The following PCDH10 variants were observed in gnomAD, a reference collection of about 807,000 sequenced individuals.
PCDH10 encodes the protein protocadherin 10.
Under a neutral mutation model 74.4 loss-of-function variants are expected in PCDH10, and 15 were observed. The ratio of observed to expected loss-of-function variants is 0.20; its 90% CI spans 0.13 to 0.31. The LOEUF is 0.31. Ranked by LOEUF, PCDH10 falls within the 10% of genes least tolerant of loss-of-function variation. The pLI is 1.00. For synonymous variants in PCDH10, 619 were observed against 589.8 expected (o/e 1.05, Z -0.72); for missense variants, 1,260 against 1,390.2 (o/e 0.91, Z 1.49).
downstream of PCDH10, chr4:133,194,844 G>A (rs1727761765): frequency 1.3e-5 from 2 of 151,882 alleles, no homozygotes; most frequent in Admixed American, 6.6e-5. Context: ...ACATTTAGTT[G>A]TATATGATTC....
In PCDH10 at chr4:133,191,958, T is replaced by TACACACAC. The variant is rs1472715468; in HGVS notation, c.*1799_*1800insCACACACA. 2 of 93,172 alleles carry TACACACAC rather than the reference T, an allele frequency of 2.1e-5. No homozygotes were observed. The highest frequency in any genetic ancestry group is 3.0e-5 in the African/African-American group (1 of 33,104). The allele number at this position is 93,172 out of a possible 1,614,324, so 5.8% of individuals were successfully genotyped here. Reference sequence around the variant, plus strand: ...TCCCTAGATTTAACTTTAAAATACATATATATACACACACACACACACACA... The same window carrying TACACACAC: ...TCCCTAGATTTAACTTTAAAATACATACACACACATATATACACACACACACACACACA... On this transcript the variant is annotated 3_prime_UTR_variant, in exon 5 of 5. Coordinates refer to ENST00000264360, the MANE Select transcript of PCDH10 (RefSeq NM_032961.3).
chr4:133,204,557 G>A (rs1374453153), intron 2 of PCDH10, among the ~76,000 whole-genome samples: 1 of 152,130 alleles, frequency 6.6e-6, no homozygotes, highest in Non-Finnish European at 1.5e-5. Flanking sequence ...TTCTTTTGGA[G>A]AAAAACAAGA....
intron 4 of PCDH10, among the ~76,000 whole-genome samples, chr4:133,176,664 T>A (rs533735196): frequency 6.6e-6 from 1 of 152,266 alleles, no homozygotes; most frequent in African/African-American, 2.4e-5. Flanking sequence ...GTCTCCCTAT[T>A]TTTCTGTTCC....
In PCDH10 at chr4:133,152,227, C is replaced by A; in HGVS notation, c.2087C>A (p.Ser696Ter). 1 of 1,604,324 alleles carries A rather than the reference C, an allele frequency of 6.2e-7. No individual in the cohort carries two copies. The highest frequency in any genetic ancestry group is 1.7e-5 in the Admixed American group (1 of 59,542). ...GGGGGCGGGAGCGGAGGCGGAGGGT[C>A]AGGAGAGCACCAGCGCCCCAGTCGC... The part of the protein sequence containing the change: ...QGGGGSGGGG[S>*]GEHQRPSRSG... Residue 696 changes from serine to a stop codon, truncating the protein, a stop_gained, in exon 1 of 5, where the codon TCA becomes TAA. Transcript: ENST00000264360. LOFTEE classifies it high-confidence loss of function.
intron 4 of PCDH10, among the ~76,000 whole-genome samples, chr4:133,186,894 T>G: frequency 6.6e-6 from 1 of 152,052 alleles, no homozygotes; most frequent in East Asian, 1.9e-4. Context: ...ACTTTTGTAT[T>G]TCTAGTAGAG....
At chr4:133,169,903 T>G (rs1727168808) in intron 4 of PCDH10, among the ~76,000 whole-genome samples, 1 of 151,996 alleles carries the variant, frequency 6.6e-6, no homozygotes, top group African/African-American at 2.4e-5. Context: ...TAGAAACTGT[T>G]TCGAACACTG....
At chr4:133,161,264 A>G (rs1726964356) in intron 3 of PCDH10, among the ~76,000 whole-genome samples, 1 of 152,130 alleles carries the variant, frequency 6.6e-6, no homozygotes, top group Admixed American at 6.6e-5. Flanking sequence ...CATTCTACAT[A>G]GTTTAATATA....
intron 4 of PCDH10, among the ~76,000 whole-genome samples, chr4:133,166,814 A>C (rs902499353): frequency 1.3e-5 from 2 of 151,522 alleles, no homozygotes; most frequent in Admixed American, 1.3e-4. Flanking sequence ...AATTCCTAAA[A>C]ATTGAAGACA....
intron 4 of PCDH10, among the ~76,000 whole-genome samples, chr4:133,187,251 A>T (rs1182736975): frequency 6.6e-6 from 1 of 152,124 alleles, no homozygotes; most frequent in African/African-American, 2.4e-5. Context: ...TGCACAGAGT[A>T]CTGCCTTGAA....
Position 133,163,098 on chromosome 4 carries a change from G to T in PCDH10, c.2919G>T (p.Leu973=), listed in dbSNP as rs760945077. ...AGGCTGCTGATTATCGCAGCAATCT[G>T]CATGTTCCTGGCATGGACTCTGTTC... ...GRQAADYRSN[L]HVPGMDSVPD... Residue 973 remains leucine (L), a synonymous_variant, in exon 4 of 5, where the codon CTG becomes CTT. Transcript: ENST00000264360. 4.3e-6 allele frequency: 7 copies of T among 1,614,148 alleles called. No homozygotes were observed. In the Admixed American group the frequency reaches 5.0e-5, roughly 12 times the overall value.
intron 1 of PCDH10, 103 bp from the exon 2 acceptor site, chr4:133,154,204 G>A (rs893095210): frequency 7.0e-6 from 5 of 713,384 alleles, no homozygotes; most frequent in Admixed American, 5.9e-5. Flanking sequence ...TCATAAAAAT[G>A]TATACAATTA....
In PCDH10 at chr4:133,152,241, C is replaced by A; in HGVS notation, c.2101C>A (p.Arg701Ser). The change falls in exon 1 of 5, where the codon CGC (arginine) becomes AGC (serine). Residue 701 changes from arginine to serine, a missense_variant. Around this residue, in one of 11 missense-constraint regions of PCDH10, gnomAD observed 587 missense variants for 616.9 expected, o/e 0.95. Coordinates refer to ENST00000264360, the MANE Select transcript of PCDH10 (RefSeq NM_032961.3). Reference sequence around the variant, plus strand: ...AGGCGGAGGGTCAGGAGAGCACCAGCGCCCCAGTCGCTCTGGCGGCGGGGA... The same window carrying A: ...AGGCGGAGGGTCAGGAGAGCACCAGAGCCCCAGTCGCTCTGGCGGCGGGGA... ...SGGGGSGEHQRPSRSGGGETS... is the reference protein window; with the variant it reads ...SGGGGSGEHQSPSRSGGGETS... 6.2e-7 allele frequency: 1 copy of A among 1,609,336 alleles called. No homozygotes were observed. Among genetic ancestry groups the A allele is most frequent in the Non-Finnish European group, 8.5e-7 (1 of 1,177,676 alleles).
chr4:133,205,423 C>G (rs1290241620), intron 2 of PCDH10, among the ~76,000 whole-genome samples: 1 of 152,082 alleles, frequency 6.6e-6, no homozygotes. Flanking sequence ...ACAGGATCCC[C>G]CAGCTCCTTT....
chr4:133,150,264 G>A lies in PCDH10; in HGVS notation c.124G>A (p.Gly42Ser). The change falls in exon 1 of 5, where the codon GGT (glycine) becomes AGT (serine). Residue 42 changes from glycine (G) to serine (S), a missense_variant. Transcript: ENST00000264360. Reference protein sequence around the residue: ...TFVGNIAEDLGLDITKLSARG... With the variant: ...TFVGNIAEDLSLDITKLSARG... Reference sequence around the variant, plus strand: ...CGTGGGGAATATCGCTGAAGATCTGGGTCTGGACATTACAAAACTTTCGGC... The same window carrying A: ...CGTGGGGAATATCGCTGAAGATCTGAGTCTGGACATTACAAAACTTTCGGC... 1 of 1,613,968 alleles carries A rather than the reference G, an allele frequency of 6.2e-7. No individual in the cohort carries two copies. Among genetic ancestry groups the A allele is most frequent in the Non-Finnish European group, 8.5e-7 (1 of 1,179,994 alleles).
intron 3 of PCDH10, among the ~76,000 whole-genome samples, chr4:133,156,671 A>T (rs530726054): frequency 1.3e-5 from 2 of 152,286 alleles, no homozygotes; most frequent in Middle Eastern, 3.4e-3. Flanking sequence ...TATCTGTTGC[A>T]TGTTTCTTTG....
At chr4:133,180,478 A>G (rs1210611256) in intron 4 of PCDH10, among the ~76,000 whole-genome samples, 1 of 152,014 alleles carries the variant, frequency 6.6e-6, no homozygotes, top group African/African-American at 2.4e-5. Context: ...GAATGGGTAC[A>G]TCAGATGCTA....
intron 2 of PCDH10, among the ~76,000 whole-genome samples, chr4:133,205,838 G>A (rs533833519): frequency 1.3e-5 from 2 of 152,034 alleles, no homozygotes; most frequent in East Asian, 1.9e-4. Flanking sequence ...CTCTTTTAAA[G>A]TATTTTTAAC....
chr4:133,151,044 G>A lies in PCDH10; in HGVS notation c.904G>A (p.Gly302Arg). 6.2e-7 allele frequency: 1 copy of A among 1,613,914 alleles called. No homozygotes were observed. The highest frequency in any genetic ancestry group is 8.5e-7 in the Non-Finnish European group (1 of 1,180,032). ...HISPRARELF[G>R]LSPRTGRLEV... Reference sequence around the variant, plus strand: ...TTCGCCCCGGGCGCGGGAGCTTTTCGGACTCTCGCCGCGCACTGGCAGACT... The same window carrying A: ...TTCGCCCCGGGCGCGGGAGCTTTTCAGACTCTCGCCGCGCACTGGCAGACT... Residue 302 changes from glycine to arginine, a missense_variant, in exon 1 of 5, where the codon GGA (glycine) becomes AGA (arginine). Coordinates refer to ENST00000264360, the MANE Select transcript of PCDH10 (RefSeq NM_032961.3).
chr4:133,201,118 T>A (rs1253586172), intron 2 of PCDH10, among the ~76,000 whole-genome samples: 1 of 152,108 alleles, frequency 6.6e-6, no homozygotes, highest in Non-Finnish European at 1.5e-5. Context: ...CCCAGAGAAA[T>A]CACATTGAAC....
Sources: allele counts gnomAD v4.1 joint callset (sites outside exome capture counted in the v4.1 genomes callset), GRCh38; gene constraint gnomAD v4.1.1; regional missense constraint gnomAD v4.1.1; transcripts MANE v1.5; gene names NCBI Gene and HGNC (gene_info 2026-07-23, HGNC 2026-07-21).